Variants in CAST observed in about 807,000 individuals in gnomAD.
CAST encodes the protein calpastatin.
Under a neutral mutation model 119.6 loss-of-function variants are expected in CAST, and 76 were observed. The ratio of observed to expected loss-of-function variants is 0.64; its 90% CI spans 0.53 to 0.77. The LOEUF (loss-of-function observed/expected upper bound fraction) is 0.77. Ranked by LOEUF, CAST falls within the 30% of genes least tolerant of loss-of-function variation. The pLI is 0.00. For missense variants in CAST, 953 were observed against 946.5 expected (o/e 1.01, Z -0.09); for synonymous variants, 319 against 331.6 (o/e 0.96, Z 0.41).
intron 1 of CAST, among the ~76,000 whole-genome samples, chr5:96,599,703 G>A (rs1248820344): frequency 6.6e-6 from 1 of 151,950 alleles, no homozygotes; most frequent in African/African-American, 2.4e-5. Flanking sequence ...CCCCTCCATA[G>A]GCGCCCCACT....
the CAST span, among the ~76,000 whole-genome samples, chr5:96,475,249 G>A: frequency 6.6e-6 from 1 of 152,232 alleles, no homozygotes; most frequent in Non-Finnish European, 1.5e-5. Context: ...GGATACACCT[G>A]AGATCATGCC....
the CAST span, among the ~76,000 whole-genome samples, chr5:96,117,343 C>G: frequency 6.6e-6 from 1 of 152,158 alleles, no homozygotes; most frequent in Non-Finnish European, 1.5e-5. Context: ...CAAGAGTCCT[C>G]TCTTCTTGGT....
At chr5:96,294,015 C>T in the CAST span, among the ~76,000 whole-genome samples, 2 of 152,172 alleles carry the variant, frequency 1.3e-5, no homozygotes, top group Non-Finnish European at 2.9e-5. Context: ...CAGCCTCAGT[C>T]TCCCAAAGTG....
intron 25 of CAST, among the ~76,000 whole-genome samples, chr5:96,763,411 C>G (rs181684231): frequency 5.3e-5 from 8 of 152,318 alleles, no homozygotes; most frequent in Admixed American, 5.2e-4. Flanking sequence ...AGAAAGTCCC[C>G]ATGCAACAGA....
chr5:96,349,086 A>AT, the CAST span, among the ~76,000 whole-genome samples: 256 of 135,728 alleles, frequency 1.9e-3, 2 homozygotes, highest in Non-Finnish European at 2.0e-3. Flanking sequence ...ATATTCTATA[A>AT]TTTTTTTTTT....
the CAST span, among the ~76,000 whole-genome samples, chr5:96,122,254 T>C: frequency 6.6e-6 from 1 of 152,194 alleles, no homozygotes; most frequent in Non-Finnish European, 1.5e-5. Context: ...ATTTGTGTTC[T>C]TCCTATCAGA....
At chr5:96,293,615 G>T in the CAST span, among the ~76,000 whole-genome samples, 1 of 151,548 alleles carries the variant, frequency 6.6e-6, no homozygotes, top group East Asian at 2.0e-4. Context: ...AATCTTTAGG[G>T]GTTCCTCTTT....
At chr5:96,552,717 A>G (rs560031342) in intron 1 of CAST, among the ~76,000 whole-genome samples, 1 of 152,224 alleles carries the variant, frequency 6.6e-6, no homozygotes, top group Non-Finnish European at 1.5e-5. Context: ...TTAAAAAATG[A>G]TAAAGTGGGT....
At chr5:96,653,097 C>T (rs1054933544) in intron 1 of CAST, among the ~76,000 whole-genome samples, 1 of 152,184 alleles carries the variant, frequency 6.6e-6, no homozygotes, top group Admixed American at 6.5e-5. Flanking sequence ...TTAGTGATTG[C>T]CTTCATATTT....
the CAST span, among the ~76,000 whole-genome samples, chr5:96,438,985 G>A: frequency 6.6e-6 from 1 of 152,138 alleles, no homozygotes; most frequent in African/African-American, 2.4e-5. Context: ...TAGCAGAAGG[G>A]TGAGGACAGA....
At chr5:96,091,915 T>A in the CAST span, among the ~76,000 whole-genome samples, 535 of 152,234 alleles carry the variant, frequency 3.5e-3, 2 homozygotes, top group African/African-American at 4.6e-3. Flanking sequence ...TCAGTCAGGG[T>A]TAGTACCAAA....
At chr5:95,985,918 T>C in the CAST span, among the ~76,000 whole-genome samples, 1 of 152,208 alleles carries the variant, frequency 6.6e-6, no homozygotes, top group Non-Finnish European at 1.5e-5. Flanking sequence ...TTGACATCTC[T>C]AAACACCCTC....
the CAST span, among the ~76,000 whole-genome samples, chr5:96,030,488 C>T: frequency 6.6e-6 from 1 of 152,122 alleles, no homozygotes; most frequent in South Asian, 2.1e-4. Flanking sequence ...TGGTCAACCT[C>T]ATTTAGGTTA....
chr5:96,177,281 C>T, the CAST span, among the ~76,000 whole-genome samples: 3 of 152,152 alleles, frequency 2.0e-5, no homozygotes, highest in Non-Finnish European at 4.4e-5. Flanking sequence ...GCCTCTGTCT[C>T]TTTAAAACAA....
the CAST span, chr5:96,432,071 A>G: frequency 2.0e-6 from 3 of 1,525,316 alleles, 1 homozygote; most frequent in South Asian, 3.6e-5. Flanking sequence ...TCCCGGGAAA[A>G]CGATTACGTA....
the CAST span, among the ~76,000 whole-genome samples, chr5:96,435,174 G>A: frequency 1.3e-5 from 2 of 152,220 alleles, no homozygotes; most frequent in Non-Finnish European, 2.9e-5. Flanking sequence ...ATGTGTCAGA[G>A]GAGGAACATA....
chr5:96,419,992 G>T, the CAST span, among the ~76,000 whole-genome samples: 2 of 151,982 alleles, frequency 1.3e-5, no homozygotes, highest in Non-Finnish European at 2.9e-5. Flanking sequence ...TGCCTGGAAG[G>T]ACCGTATACT....
chr5:96,163,801 A>T, the CAST span, among the ~76,000 whole-genome samples: 1 of 152,222 alleles, frequency 6.6e-6, no homozygotes, highest in African/African-American at 2.4e-5. Flanking sequence ...CTCTGGCAGA[A>T]TGGTGTCTGC....
the CAST span, among the ~76,000 whole-genome samples, chr5:95,979,706 T>C: frequency 6.6e-6 from 1 of 152,324 alleles, no homozygotes; most frequent in African/African-American, 2.4e-5. Flanking sequence ...GAGCTATACA[T>C]ATAAAAGTAT....
Sources: gnomAD v4.1 joint callset for allele counts (sites outside exome capture counted in the v4.1 genomes callset) on GRCh38, gnomAD v4.1.1 for gene constraint, MANE v1.5 for transcripts, NCBI Gene and HGNC (gene_info 2026-07-23, HGNC 2026-07-21) for gene names.